PRKAR1A: variants seen among roughly 807,000 people sequenced by gnomAD.
PRKAR1A encodes the protein protein kinase cAMP-dependent type I regulatory subunit alpha.
Under a neutral mutation model 52.0 loss-of-function variants are expected in PRKAR1A, and 3 were observed. That is an observed-to-expected ratio of 0.06 (90% CI 0.03 to 0.15). The LOEUF (loss-of-function observed/expected upper bound fraction) is 0.15, where lower values mean the gene tolerates loss of function less well. Ranked by LOEUF, PRKAR1A falls within the 10% of genes least tolerant of loss-of-function variation. The pLI, the probability that PRKAR1A is intolerant of heterozygous loss-of-function variation, is 1.00. For missense variants in PRKAR1A, 240 were observed against 477.4 expected (o/e 0.50, Z 4.63); for synonymous variants, 188 against 168.4 (o/e 1.12, Z -0.90).
At chr17:68,427,806 G>A in the PRKAR1A span, among the ~76,000 whole-genome samples, 2 of 152,218 alleles carry the variant, frequency 1.3e-5, no homozygotes, top group Admixed American at 1.3e-4. Flanking sequence ...CCATCGGTGG[G>A]GGGCGGTGGC....
chr17:68,434,874 G>A, the PRKAR1A span, among the ~76,000 whole-genome samples: 2 of 152,152 alleles, frequency 1.3e-5, no homozygotes, highest in Non-Finnish European at 2.9e-5. Flanking sequence ...GTGTGTGCAT[G>A]TGTGTGTTCA....
downstream of PRKAR1A, chr17:68,536,655 TGGCTCTTTTCCTGCCTTACTCCA>T (rs1311678903): frequency 2.2e-6 from 1 of 452,838 alleles, no homozygotes; most frequent in Non-Finnish European, 4.4e-6. Flanking sequence ...TAGTCAGCCT[TGGCTCTTTTCCTGCCTTACTCCA>T]GGCTTGTGTC....
At chr17:68,505,796 G>C in the PRKAR1A span, among the ~76,000 whole-genome samples, 1 of 152,166 alleles carries the variant, frequency 6.6e-6, no homozygotes, top group Admixed American at 6.5e-5. Flanking sequence ...CTCCAGCCTG[G>C]GTAACAGAGC....
At position 68,530,978 on chromosome 17, in the gene PRKAR1A, G is replaced by GA. The variant is rs1439701800; in HGVS notation, c.*534dup. On this transcript the variant is annotated 3_prime_UTR_variant, in exon 11 of 11. Transcript: ENST00000589228. ...CTGTAATTAAACTAGTTTAAGGGTG[G>GA]AAAAATGCCCATTTTTGCTAATTAT... 1 of 1,075,634 alleles carries GA rather than the reference G, an allele frequency of 9.3e-7. No individual in the cohort carries two copies. Among genetic ancestry groups the GA allele is most frequent in the Non-Finnish European group, 1.1e-6 (1 of 884,672 alleles). 66.6% of individuals were successfully genotyped at this position (1,075,634 alleles called of 1,614,324 possible). A position where few individuals can be genotyped will look rare whatever the true frequency, so the allele number is the denominator to read the frequency against.
chr17:68,435,591 G>T, the PRKAR1A span: 2 of 1,609,380 alleles, frequency 1.2e-6, no homozygotes, highest in Non-Finnish European at 1.7e-6. Flanking sequence ...GCGAAACCCA[G>T]ACAGAGGTGT....
chr17:68,420,092 A>G, the PRKAR1A span: 11 of 1,356,652 alleles, frequency 8.1e-6, no homozygotes, highest in Non-Finnish European at 9.2e-6. Context: ...GTTATCTGGT[A>G]TGTTTGAATT....
chr17:68,414,532 T>C, the PRKAR1A span, among the ~76,000 whole-genome samples: 1 of 152,192 alleles, frequency 6.6e-6, no homozygotes, highest in Non-Finnish European at 1.5e-5. Context: ...ATTAGGGTGA[T>C]TCTGGCTTCA....
chr17:68,453,301 A>G, the PRKAR1A span, among the ~76,000 whole-genome samples: 1 of 152,210 alleles, frequency 6.6e-6, no homozygotes, highest in East Asian at 1.9e-4. Context: ...CTGGGCAGAT[A>G]ACAGGAAAAA....
chr17:68,540,048 G>C, intron 11 of PRKAR1A: 1 of 1,214,036 alleles, frequency 8.2e-7, no homozygotes. Flanking sequence ...CCAGGGAACG[G>C]AGGCCTGTCA....
the PRKAR1A span, among the ~76,000 whole-genome samples, chr17:68,494,115 C>T: frequency 6.6e-6 from 1 of 152,128 alleles, no homozygotes; most frequent in Non-Finnish European, 1.5e-5. Context: ...TCAAAAATGC[C>T]ATTTACTGGC....
chr17:68,534,917 G>A (rs571570858), downstream of PRKAR1A, among the ~76,000 whole-genome samples: 6 of 152,188 alleles, frequency 3.9e-5, 1 homozygote, highest in Admixed American at 3.9e-4. Flanking sequence ...TTCAGTATTT[G>A]CCAATGCAGT....
At chr17:68,466,536 C>G in the PRKAR1A span, among the ~76,000 whole-genome samples, 2 of 151,122 alleles carry the variant, frequency 1.3e-5, no homozygotes, top group Non-Finnish European at 2.9e-5. Context: ...CTCGGCCTCC[C>G]GAGTAGCTGG....
At chr17:68,478,384 G>A in the PRKAR1A span, among the ~76,000 whole-genome samples, 3 of 152,258 alleles carry the variant, frequency 2.0e-5, no homozygotes, top group Admixed American at 1.3e-4. Flanking sequence ...CCTGAGAGGC[G>A]GAGGTTGCAG....
At chr17:68,466,412 T>C in the PRKAR1A span, among the ~76,000 whole-genome samples, 320 of 142,496 alleles carry the variant, frequency 2.2e-3, no homozygotes, top group African/African-American at 8.2e-3. Flanking sequence ...TCTCTCTCTT[T>C]TTTTTTTTTT....
At chr17:68,527,701 A>G in intron 7 of PRKAR1A, 139 bp from the exon 8 acceptor site, 1 of 676,822 alleles carries the variant, frequency 1.5e-6, no homozygotes, top group Non-Finnish European at 2.5e-6. Flanking sequence ...GTTAAAATTA[A>G]ACTTTCCTCA....
the PRKAR1A span, chr17:68,422,576 C>T: frequency 6.6e-6 from 1 of 151,578 alleles, no homozygotes; most frequent in South Asian, 2.1e-4. Context: ...ACTAAAAATA[C>T]AAAATTTAGC....
At chr17:68,497,325 A>T in the PRKAR1A span, among the ~76,000 whole-genome samples, 9 of 152,178 alleles carry the variant, frequency 5.9e-5, no homozygotes, top group African/African-American at 2.2e-4. Context: ...ATGGCCACAA[A>T]GTCTAAAATA....
intron 7 of PRKAR1A, among the ~76,000 whole-genome samples, chr17:68,527,229 T>C (rs146351122): frequency 3.3e-5 from 5 of 152,154 alleles, no homozygotes; most frequent in African/African-American, 9.7e-5. Flanking sequence ...ACTGTAGATA[T>C]GGGGTGAAAT....
the PRKAR1A span, among the ~76,000 whole-genome samples, chr17:68,464,708 C>CCA: frequency 2.8e-5 from 1 of 35,546 alleles, no homozygotes; most frequent in South Asian, 5.8e-4. Flanking sequence ...ACAAAAAAAA[C>CCA]AAAAAAAACA....
Sources: allele counts gnomAD v4.1 joint callset (sites outside exome capture counted in the v4.1 genomes callset), GRCh38; gene constraint gnomAD v4.1.1; transcripts MANE v1.5; gene names NCBI Gene and HGNC (gene_info 2026-07-23, HGNC 2026-07-21).